Variants in CCDC171 observed in about 807,000 individuals in gnomAD.
CCDC171 encodes the protein coiled-coil domain-containing protein 171.
Under a neutral mutation model 168.2 loss-of-function variants are expected in CCDC171, and 177 were observed. The observed-to-expected ratio is 1.05, with a 90% CI of 0.93 to 1.19. CCDC171 has a LOEUF of 1.19. Ranked by LOEUF, CCDC171 falls within the 50% of genes most tolerant of loss-of-function variation. CCDC171 has a pLI of 0.00. For missense variants in CCDC171, 1,991 were observed against 1,539.0 expected (o/e 1.29, Z -4.91); for synonymous variants, 687 against 540.8 (o/e 1.27, Z -3.75).
chr9:16,028,613 G>C (rs1489766577), intron 6 of CCDC171, among the ~76,000 whole-genome samples: 1 of 152,034 alleles, frequency 6.6e-6, no homozygotes, highest in Non-Finnish European at 1.5e-5. Context: ...TGTTAAATCT[G>C]GCAGCTCTAG....
intron 21 of CCDC171, among the ~76,000 whole-genome samples, chr9:15,798,818 T>C (rs1186598588): frequency 1.3e-5 from 2 of 152,134 alleles, no homozygotes; most frequent in African/African-American, 4.8e-5. Flanking sequence ...TTTAGAACTT[T>C]ATAAAGTCTC....
intron 6 of CCDC171, among the ~76,000 whole-genome samples, chr9:16,024,740 G>T (rs1833240786): frequency 6.6e-6 from 1 of 152,248 alleles, no homozygotes; most frequent in Admixed American, 6.5e-5. Flanking sequence ...AAAGGAAGTT[G>T]TAGCCATGCA....
At chr9:15,665,404 A>G (rs77713397) in intron 8 of CCDC171, among the ~76,000 whole-genome samples, 3,049 of 152,312 alleles carry the variant, frequency 0.02, 110 homozygotes, top group African/African-American at 0.07. Context: ...CAGGAATAAA[A>G]AGATCTGTTA....
At chr9:15,626,105 A>G (rs572510495) in intron 7 of CCDC171, among the ~76,000 whole-genome samples, 91 of 152,040 alleles carry the variant, frequency 6.0e-4, no homozygotes, top group Middle Eastern at 3.4e-3. Context: ...TCCACTCATG[A>G]TATGGCTGTT....
chr9:15,584,148 T>G (rs1402194171), intron 4 of CCDC171, among the ~76,000 whole-genome samples: 1 of 152,236 alleles, frequency 6.6e-6, no homozygotes, highest in African/African-American at 2.4e-5. Flanking sequence ...ATTACAGGCG[T>G]GAGCCACCGT....
chr9:15,862,324 TC>T lies in CCDC171; in HGVS notation c.3469-12207del, dbSNP rs1439436299. Among the ~76,000 whole-genome samples the T allele has an allele frequency of 1.7e-3, 264 of 151,898 alleles. 2 individuals carry two copies. Among genetic ancestry groups the T allele is most frequent in the African/African-American group, 5.6e-3 (231 of 41,454 alleles). On this transcript the variant is annotated intron_variant, in intron 23 of 25. Coordinates refer to ENST00000380701, the MANE Select transcript of CCDC171 (RefSeq NM_173550.4). Reference sequence around the variant, plus strand: ...CTTCAAGTTCACCAATTTTTTTTTTTCTGCTGGTTTTAGTCTGCTGTTGAAC... The same window carrying T: ...CTTCAAGTTCACCAATTTTTTTTTTTTGCTGGTTTTAGTCTGCTGTTGAAC...
chr9:15,793,086 G>A (rs905204088), intron 21 of CCDC171, among the ~76,000 whole-genome samples: 3 of 151,856 alleles, frequency 2.0e-5, no homozygotes, highest in South Asian at 2.1e-4. Flanking sequence ...CCCACCTCAC[G>A]TGCAGAGACA....
chr9:15,951,404 A>G (rs557694428), intron 25 of CCDC171, among the ~76,000 whole-genome samples: 1 of 152,138 alleles, frequency 6.6e-6, no homozygotes, highest in Non-Finnish European at 1.5e-5. Context: ...AGGAGCTACC[A>G]TAATGTTTTC....
At chr9:15,944,884 CTTT>C in intron 25 of CCDC171, among the ~76,000 whole-genome samples, 1 of 145,808 alleles carries the variant, frequency 6.9e-6, no homozygotes. Flanking sequence ...TTCTTTCTTT[CTTT>C]TTTATCATTA....
chr9:16,057,420 G>C (rs945840655), intron 1 of CCDC171, among the ~76,000 whole-genome samples: 1 of 152,194 alleles, frequency 6.6e-6, no homozygotes, highest in Non-Finnish European at 1.5e-5. Context: ...TTTTGGTTAA[G>C]TTCTTTCAAG....
intron 24 of CCDC171, among the ~76,000 whole-genome samples, chr9:15,898,524 A>C (rs922432384): frequency 3.9e-5 from 6 of 152,312 alleles, no homozygotes; most frequent in African/African-American, 1.4e-4. Context: ...TTATGTGCAG[A>C]AGACTGGTTG....
chr9:15,733,741 C>G (rs2054299194), intron 16 of CCDC171, among the ~76,000 whole-genome samples: 1 of 15,954 alleles, frequency 6.3e-5, no homozygotes, highest in Non-Finnish European at 1.5e-4. Flanking sequence ...GTCCTGAACT[C>G]TTTGAAAATC....
intron 11 of CCDC171, among the ~76,000 whole-genome samples, chr9:15,703,007 G>A (rs1055333332): frequency 6.6e-6 from 1 of 151,720 alleles, no homozygotes; most frequent in African/African-American, 2.4e-5. Flanking sequence ...GGGTTCAAGC[G>A]ATTCTCCTGC....
chr9:15,698,942 C>T (rs2051448620), intron 11 of CCDC171, among the ~76,000 whole-genome samples: 2 of 152,146 alleles, frequency 1.3e-5, no homozygotes, highest in Non-Finnish European at 2.9e-5. Context: ...GTTTATATGA[C>T]AGTGCAGGTA....
At chr9:15,832,336 G>A (rs1002893677) in intron 21 of CCDC171, among the ~76,000 whole-genome samples, 2 of 152,150 alleles carry the variant, frequency 1.3e-5, no homozygotes. Flanking sequence ...ATACAGTCAT[G>A]TGTCATTTAA....
intron 7 of CCDC171, among the ~76,000 whole-genome samples, chr9:15,644,887 G>A (rs2046913775): frequency 6.6e-6 from 1 of 152,244 alleles, no homozygotes. Context: ...CAGCTTTGAA[G>A]AGAGTAGTGG....
chr9:15,859,782 C>G (rs1031966998), intron 23 of CCDC171, among the ~76,000 whole-genome samples: 1 of 151,806 alleles, frequency 6.6e-6, no homozygotes, highest in Non-Finnish European at 1.5e-5. Flanking sequence ...ACCTCAGTCT[C>G]CTAAGTAGCT....
chr9:15,810,391 G>T (rs764649484), intron 21 of CCDC171, among the ~76,000 whole-genome samples: 10 of 152,036 alleles, frequency 6.6e-5, no homozygotes. Context: ...CCCACACTGT[G>T]TGCCTGCACT....
chr9:15,556,189 G>A (rs746341782), intron 1 of CCDC171, among the ~76,000 whole-genome samples: 9 of 152,040 alleles, frequency 5.9e-5, no homozygotes, highest in Non-Finnish European at 1.0e-4. Flanking sequence ...AGTTTCTGCC[G>A]AGAGGTCCGC....
Sources: gnomAD v4.1 joint callset for allele counts (sites outside exome capture counted in the v4.1 genomes callset) on GRCh38, gnomAD v4.1.1 for gene constraint, MANE v1.5 for transcripts, NCBI Gene and HGNC (gene_info 2026-07-23, HGNC 2026-07-21) for gene names.